Variants in FRMPD1 observed in about 807,000 individuals in gnomAD.
FRMPD1 encodes the protein FERM and PDZ domain containing 1.
FRMPD1 carries 76 observed loss-of-function variants against 117.8 expected under a neutral mutation model. The observed-to-expected ratio is 0.65, with a 90% confidence interval of 0.54 to 0.78. The LOEUF (loss-of-function observed/expected upper bound fraction) is 0.78, where lower values mean the gene tolerates loss of function less well. Among genes scored for constraint, FRMPD1 ranks in the 30% least tolerant of loss-of-function variants. The pLI is 0.00. For synonymous variants in FRMPD1, 783 were observed against 770.4 expected, an observed-to-expected ratio of 1.02 and a Z score of -0.27; for missense variants, 1,786 against 1,964.5, an observed-to-expected ratio of 0.91 and a Z score of 1.72.
At chr9:37,732,541 A>G in intron 10 of FRMPD1, 101 bp downstream of exon 10, 1 of 1,143,606 alleles carries the variant, frequency 8.7e-7, no homozygotes, top group Non-Finnish European at 1.2e-6. Context: ...CCACCTACCC[A>G]TCTGTCTGTT....
rs1246676618 is a variant in FRMPD1, at chr9:37,745,099, G to A, written c.3067G>A (p.Asp1023Asn). ...CCTCTCCAGTGGTGACCCTAACCCA[G>A]ACAGAGCCTGCCTGGCCAGCAACCC... ...FSLSSGDPNPDRACLASNPGL... is the reference protein window; with the variant it reads ...FSLSSGDPNPNRACLASNPGL... The change falls in exon 16 of 16, where the codon GAC becomes AAC. Residue 1023 changes from aspartate (D) to asparagine (N), a missense_variant. Coordinates refer to ENST00000377765, the MANE Select transcript of FRMPD1 (RefSeq NM_014907.3). 2 of 1,614,108 alleles carry A rather than the reference G, an allele frequency of 1.2e-6. No homozygotes were observed. The highest frequency in any genetic ancestry group is 3.3e-5 in the Admixed American group (2 of 60,020).
chr9:37,605,237 C>T, the FRMPD1 span, among the ~76,000 whole-genome samples: 14 of 152,208 alleles, frequency 9.2e-5, no homozygotes, highest in African/African-American at 3.1e-4. Context: ...AGCCTGTGCC[C>T]AAACCTGGTA....
chr9:37,686,565 A>C (rs1821956078), intron 1 of FRMPD1, among the ~76,000 whole-genome samples: 1 of 152,178 alleles, frequency 6.6e-6, no homozygotes, highest in Non-Finnish European at 1.5e-5. Context: ...GTCAGGGAGC[A>C]CTTTTAATGG....
the FRMPD1 span, chr9:37,637,093 C>T: frequency 1.9e-6 from 3 of 1,580,922 alleles, no homozygotes; most frequent in South Asian, 3.3e-5. Flanking sequence ...AGAACCGTTC[C>T]TGGCCCGCCG....
the FRMPD1 span, among the ~76,000 whole-genome samples, chr9:37,614,455 C>T: frequency 4.6e-5 from 7 of 152,146 alleles, no homozygotes; most frequent in Non-Finnish European, 7.3e-5. Flanking sequence ...TGCACAAGGG[C>T]GTCAGTTCCT....
At chr9:37,606,151 A>G in the FRMPD1 span, among the ~76,000 whole-genome samples, 2 of 152,208 alleles carry the variant, frequency 1.3e-5, no homozygotes, top group Non-Finnish European at 2.9e-5. Flanking sequence ...AGAATCTGCA[A>G]CAGGACTCTG....
intron 5 of FRMPD1, among the ~76,000 whole-genome samples, chr9:37,717,315 GTA>G (rs1245578099): frequency 2.8e-5 from 4 of 144,858 alleles, no homozygotes; most frequent in African/African-American, 1.0e-4. Context: ...ATATATATAT[GTA>G]TGTGTGTGTG....
chr9:37,668,673 C>T (rs1296676275), intron 1 of FRMPD1: 1 of 152,160 alleles, frequency 6.6e-6, no homozygotes, highest in Non-Finnish European at 1.5e-5. Context: ...TTTGGTTCTT[C>T]TCAATTGTGA....
Position 37,740,553 on chromosome 9 carries a change from C to G in FRMPD1, c.2025C>G (p.Ser675=), listed in dbSNP as rs533913734. The part of the protein sequence containing the change: ...ANPQCQKTEF[S]ESAALETFGW... ...CCCAGTGCCAGAAGACAGAGTTTTC[C>G]GAGAGTGCTGCTTTGGAGACATTTG... The change falls in exon 15 of 16, where the codon TCC becomes TCG. Residue 675 remains serine (S), a synonymous_variant. Coordinates refer to ENST00000377765, the MANE Select transcript of FRMPD1 (RefSeq NM_014907.3). This position sits in a 1 kb window ranked among gnomAD's most constrained non-coding sequence, Gnocchi z 4.2. 1 of 1,614,202 alleles carries G rather than the reference C, an allele frequency of 6.2e-7. No homozygotes were observed. The highest frequency in any genetic ancestry group is 8.5e-7 in the Non-Finnish European group (1 of 1,180,028).
intron 6 of FRMPD1, among the ~76,000 whole-genome samples, chr9:37,721,304 A>G (rs1476429815): frequency 6.6e-6 from 1 of 152,228 alleles, no homozygotes; most frequent in African/African-American, 2.4e-5. Flanking sequence ...CAAGTGTTTC[A>G]AAGATGATAA....
In FRMPD1 at chr9:37,746,260, C is replaced by G. The variant is rs907530536; in HGVS notation, c.4228C>G (p.Gln1410Glu). The stretch of plus-strand genomic sequence containing the variant: ...AGAGTACTGCTCCAGGGCACTGAGA[C>G]AGCTGAAAGCCACCCCTGCCAGCAC... ...WPEYCSRALR[Q>E]LKATPASTPE... The change falls in exon 16 of 16, where the codon CAG (glutamine) becomes GAG (glutamate). Residue 1410 changes from glutamine to glutamate, a missense_variant. By Grantham distance (29) the Gln-to-Glu change is conservative. Transcript: ENST00000377765. 1.1e-5 allele frequency: 17 copies of G among 1,612,884 alleles called. No homozygotes were observed. The highest frequency in any genetic ancestry group is 1.4e-5 in the Non-Finnish European group (17 of 1,179,868).
At chr9:37,721,448 C>T (rs1563949328) in intron 6 of FRMPD1, among the ~76,000 whole-genome samples, 1 of 151,920 alleles carries the variant, frequency 6.6e-6, no homozygotes, top group Non-Finnish European at 1.5e-5. Flanking sequence ...TAAACAAATA[C>T]AAAGAAAAAA....
intron 1 of FRMPD1, among the ~76,000 whole-genome samples, chr9:37,667,062 C>T (rs1351371057): frequency 8.0e-4 from 89 of 111,026 alleles, no homozygotes; most frequent in African/African-American, 1.4e-3. Flanking sequence ...TTGAAGCATG[C>T]TTTTTTTTTT....
the FRMPD1 span, chr9:37,637,319 G>A: frequency 5.3e-6 from 6 of 1,133,364 alleles, no homozygotes; most frequent in Non-Finnish European, 8.0e-6. Flanking sequence ...CCGCTCAGTC[G>A]CTCCCAGTCG....
chr9:37,654,776 A>C (rs960154544), intron 1 of FRMPD1, among the ~76,000 whole-genome samples: 1 of 152,232 alleles, frequency 6.6e-6, no homozygotes, highest in African/African-American at 2.4e-5. Context: ...TATTATCCTC[A>C]CAGTTATCGG....
the FRMPD1 span, among the ~76,000 whole-genome samples, chr9:37,617,269 T>C: frequency 6.6e-6 from 1 of 152,334 alleles, no homozygotes; most frequent in South Asian, 2.1e-4. Context: ...GATGTTACAA[T>C]TCAGGCCTCT....
chr9:37,733,339 G>C (rs1823975686), intron 10 of FRMPD1, 134 bp from the exon 11 acceptor site: 1 of 812,972 alleles, frequency 1.2e-6, no homozygotes, highest in South Asian at 1.7e-5. Context: ...GAAAGAAAAA[G>C]AGAGGAGGAG....
upstream of FRMPD1, among the ~76,000 whole-genome samples, chr9:37,649,375 A>G (rs1464472128): frequency 1.3e-5 from 2 of 152,212 alleles, no homozygotes; most frequent in Non-Finnish European, 2.9e-5. Context: ...TTCCACCCTT[A>G]TGGTGCTTCT....
chr9:37,650,594 T>C (rs1464648930), upstream of FRMPD1, among the ~76,000 whole-genome samples: 1 of 152,156 alleles, frequency 6.6e-6, no homozygotes, highest in Non-Finnish European at 1.5e-5. Flanking sequence ...GGGGGTCGTT[T>C]TGGGAACTCT....
Sources: allele counts gnomAD v4.1 joint callset (sites outside exome capture counted in the v4.1 genomes callset), GRCh38; gene constraint gnomAD v4.1.1; non-coding constraint Gnocchi (gnomAD v3.1); transcripts MANE v1.5; gene names NCBI Gene and HGNC (gene_info 2026-07-23, HGNC 2026-07-21).